B3GALT1: variants seen among roughly 807,000 people sequenced by gnomAD.
B3GALT1 encodes the protein UDP-Gal:betaGlcNAc beta 1,3-galactosyltransferase, polypeptide 1.
Under a neutral mutation model 23.2 loss-of-function variants are expected in B3GALT1, and 10 were observed. The observed-to-expected ratio is 0.43, with a 90% CI of 0.27 to 0.73. The LOEUF (loss-of-function observed/expected upper bound fraction) is 0.73, where lower values mean the gene tolerates loss of function less well. B3GALT1 is among the 30% of genes least tolerant of loss of function. The pLI is 0.21. For synonymous variants in B3GALT1, 156 were observed against 141.5 expected (o/e 1.10, Z -0.73); for missense variants, 299 against 405.4 (o/e 0.74, Z 2.25).
chr2:167,752,590 C>T lies in B3GALT1; in HGVS notation c.-351-66082C>T, dbSNP rs548576006. 1.5e-4 allele frequency among the ~76,000 whole-genome samples: 22 copies of T among 146,496 alleles called. No homozygotes were observed. In the South Asian group the frequency reaches 4.8e-3, roughly 32 times the overall value. The stretch of plus-strand genomic sequence containing the variant: ...AGCATCCTCCCCCCCGCCCCTCTCC[C>T]CCCACACCCCCCTTCCCCGCTTTAA... On this transcript the variant is annotated intron_variant, in intron 3 of 4. Coordinates refer to ENST00000392690, the MANE Select transcript of B3GALT1 (RefSeq NM_020981.4).
At chr2:167,593,318 ATAT>A (rs1463360618) in intron 2 of B3GALT1, among the ~76,000 whole-genome samples, 32 of 152,224 alleles carry the variant, frequency 2.1e-4, no homozygotes, top group African/African-American at 7.7e-4. Context: ...AGATCCCAAG[ATAT>A]TATTGACTGA....
chr2:167,365,357 A>G (rs1697569427), intron 1 of B3GALT1, among the ~76,000 whole-genome samples: 1 of 152,094 alleles, frequency 6.6e-6, no homozygotes, highest in African/African-American at 2.4e-5. Context: ...ACCAGGCATA[A>G]CACTTCAGGT....
intron 2 of B3GALT1, among the ~76,000 whole-genome samples, chr2:167,565,201 T>A (rs10197573): frequency 6.6e-6 from 1 of 152,112 alleles, no homozygotes; most frequent in Non-Finnish European, 1.5e-5. Context: ...GAAATAATGC[T>A]GCATATCTAC....
intron 1 of B3GALT1, among the ~76,000 whole-genome samples, chr2:167,309,439 T>C (rs1696602075): frequency 1.3e-5 from 2 of 152,020 alleles, no homozygotes; most frequent in Admixed American, 6.6e-5. Context: ...TACCTACTTC[T>C]TTGGTATTAT....
At chr2:167,511,495 C>T (rs138828188) in intron 2 of B3GALT1, among the ~76,000 whole-genome samples, 167 of 152,260 alleles carry the variant, frequency 1.1e-3, no homozygotes, top group African/African-American at 3.8e-3. Flanking sequence ...CTCCTGAGCC[C>T]TGTGGAACTG....
chr2:167,360,858 C>A (rs1057026557), intron 1 of B3GALT1, among the ~76,000 whole-genome samples: 1 of 152,060 alleles, frequency 6.6e-6, no homozygotes, highest in African/African-American at 2.4e-5. Flanking sequence ...TCTCCAATGC[C>A]TCTTCCTTTC....
intron 2 of B3GALT1, among the ~76,000 whole-genome samples, chr2:167,569,132 A>G (rs1684239699): frequency 6.6e-6 from 1 of 151,928 alleles, no homozygotes; most frequent in African/African-American, 2.4e-5. Context: ...GTAGCTTTAC[A>G]GTAAGTCTTA....
At chr2:167,524,408 C>T (rs79634315) in intron 2 of B3GALT1, among the ~76,000 whole-genome samples, 2 of 152,100 alleles carry the variant, frequency 1.3e-5, no homozygotes, top group African/African-American at 2.4e-5. Flanking sequence ...TTTTCTTCTC[C>T]AGGGTAAATA....
At chr2:167,644,652 G>C (rs1147150) in intron 2 of B3GALT1, among the ~76,000 whole-genome samples, 146,772 of 151,614 alleles carry the variant, frequency 0.97, 71,253 homozygotes, top group East Asian at 1. Context: ...TGGTGGTGGG[G>C]GCCTGTAGTC....
Position 167,812,907 on chromosome 2 carries a change from A to G in B3GALT1, c.-351-5765A>G, listed in dbSNP as rs180694756. Among the ~76,000 whole-genome samples, 24 of 152,054 alleles carry G rather than the reference A, an allele frequency of 1.6e-4. No homozygotes were observed. The East Asian group carries it at 3.9e-3, about 25-fold the overall frequency. ...TTGCTCTTAATTATCAATACTCTGA[A>G]TACCTCATTCAAGAGAAAAATGCAT... On this transcript the variant is annotated intron_variant, in intron 3 of 4. Transcript: ENST00000392690.
chr2:167,303,705 A>G (rs1272590622), intron 1 of B3GALT1, among the ~76,000 whole-genome samples: 1 of 151,204 alleles, frequency 6.6e-6, no homozygotes, highest in Non-Finnish European at 1.5e-5. Context: ...TGTTGCTGCC[A>G]TTTTACTGGA....
intron 1 of B3GALT1, among the ~76,000 whole-genome samples, chr2:167,487,519 T>C (rs1486322850): frequency 2.6e-5 from 4 of 152,182 alleles, no homozygotes; most frequent in African/African-American, 7.2e-5. Context: ...TTTATATGGT[T>C]CATATTTTAT....
intron 3 of B3GALT1, among the ~76,000 whole-genome samples, chr2:167,814,062 A>G (rs1308056936): frequency 6.6e-6 from 1 of 152,248 alleles, no homozygotes; most frequent in Non-Finnish European, 1.5e-5. Flanking sequence ...CTTCATTAGT[A>G]TGAATGACCA....
At chr2:167,392,355 TCTCA>T (rs1698026399) in intron 1 of B3GALT1, among the ~76,000 whole-genome samples, 1 of 152,092 alleles carries the variant, frequency 6.6e-6, no homozygotes. Context: ...GATATCTACT[TCTCA>T]GCCTGTTGAT....
Position 167,407,565 on chromosome 2 carries a change from T to TA in B3GALT1, c.-510-82601dup, listed in dbSNP as rs55986241. 6.8e-3 allele frequency among the ~76,000 whole-genome samples: 1,015 copies of TA among 149,828 alleles called. 10 individuals carry two copies. Among genetic ancestry groups the TA allele is most frequent in the African/African-American group, 0.021 (866 of 40,862 alleles). On this transcript the variant is annotated intron_variant, in intron 1 of 4. Transcript: ENST00000392690. ...AAAAAAAGTTGTTTTATTGAAAAGG[T>TA]AAAAAAAAAAATCAACAAACCTTTA...
chr2:167,442,694 T>C (rs1266297418), intron 1 of B3GALT1, among the ~76,000 whole-genome samples: 1 of 149,534 alleles, frequency 6.7e-6, no homozygotes, highest in African/African-American at 2.5e-5. Context: ...GAAGTGTCTG[T>C]TCATGTCCTT....
chr2:167,849,102 T>C (rs1689819570), intron 4 of B3GALT1, among the ~76,000 whole-genome samples: 1 of 152,084 alleles, frequency 6.6e-6, no homozygotes, highest in Non-Finnish European at 1.5e-5. Flanking sequence ...AACGGAAACA[T>C]ATCTCATGAT....
chr2:167,295,765 G>T (rs1341805437), intron 1 of B3GALT1, among the ~76,000 whole-genome samples: 1 of 133,748 alleles, frequency 7.5e-6, no homozygotes, highest in Non-Finnish European at 1.5e-5. Flanking sequence ...GGTTGTGTGT[G>T]TACGTGTGTG....
At chr2:167,753,594 C>T (rs916157861) in intron 3 of B3GALT1, among the ~76,000 whole-genome samples, 2 of 152,186 alleles carry the variant, frequency 1.3e-5, no homozygotes, top group African/African-American at 2.4e-5. Flanking sequence ...CCTCATTCCT[C>T]CTCCTCCCTG....
Sources: gnomAD v4.1 joint callset for allele counts (sites outside exome capture counted in the v4.1 genomes callset) on GRCh38, gnomAD v4.1.1 for gene constraint, MANE v1.5 for transcripts, NCBI Gene and HGNC (gene_info 2026-07-23, HGNC 2026-07-21) for gene names.